The following RAB40B variants were observed in gnomAD, a reference collection of about 807,000 sequenced individuals.
RAB40B encodes ras-related protein Rab-40B.
RAB40B carries 21 observed loss-of-function variants against 24.0 expected under a neutral mutation model. That is an observed-to-expected ratio of 0.88 (90% CI 0.62 to 1.26). The LOEUF is 1.26. Among genes scored for constraint, RAB40B ranks in the 50% most tolerant of loss-of-function variants. RAB40B has a pLI of 0.00. For missense variants in RAB40B, 348 were observed against 390.5 expected (o/e 0.89, Z 0.92); for synonymous variants, 167 against 169.8 (o/e 0.98, Z 0.13).
chr17:82,664,636 G>A, intron 1 of RAB40B, 80 bp from the exon 2 acceptor site: 1 of 1,393,744 alleles, frequency 7.2e-7, no homozygotes, highest in East Asian at 2.3e-5. Flanking sequence ...GGGAAGAAAA[G>A]GGTTTCTCAT....
At position 82,656,235 on chromosome 17, in the gene RAB40B, C is replaced by G. The variant is rs111276855; in HGVS notation, c.*1628G>C. 6.6e-6 allele frequency: 1 copy of G among 152,044 alleles called. No homozygotes were observed. The highest frequency in any genetic ancestry group is 1.9e-4 in the East Asian group (1 of 5,186). 9.4% of individuals were successfully genotyped at this position (152,044 alleles called of 1,614,324 possible). ...TGCTGGGATTACAGGTGTGAGCCATCACACCCAGCTGGGTCCCTTAAGTTT... is the reference window on the plus strand; with the variant it reads ...TGCTGGGATTACAGGTGTGAGCCATGACACCCAGCTGGGTCCCTTAAGTTT... On this transcript the variant is annotated 3_prime_UTR_variant, in exon 6 of 6. Coordinates refer to ENST00000571995, the MANE Select transcript of RAB40B (RefSeq NM_006822.3).
chr17:82,666,607 T>C (rs1420265434), intron 1 of RAB40B, among the ~76,000 whole-genome samples: 1 of 148,746 alleles, frequency 6.7e-6, no homozygotes, highest in East Asian at 2.1e-4. Flanking sequence ...GACACCAGTG[T>C]TCTGCTTCTT....
At chr17:82,684,750 G>A (rs369729721) in intron 1 of RAB40B, among the ~76,000 whole-genome samples, 3 of 152,246 alleles carry the variant, frequency 2.0e-5, no homozygotes, top group Middle Eastern at 3.4e-3. Context: ...AAGAGGCTGC[G>A]GAAACTTCTG....
In RAB40B at chr17:82,697,719, C is replaced by T. The variant is rs1021595146; in HGVS notation, c.142+736G>A. Among the ~76,000 whole-genome samples, 1 of 152,240 alleles carries T rather than the reference C, an allele frequency of 6.6e-6. No homozygotes were observed. Among genetic ancestry groups the T allele is most frequent in the Non-Finnish European group, 1.5e-5 (1 of 68,032 alleles). On this transcript the variant is annotated intron_variant, in intron 1 of 5. Coordinates refer to ENST00000571995, the MANE Select transcript of RAB40B (RefSeq NM_006822.3). This position sits in a 1 kb window ranked among gnomAD's most constrained non-coding sequence, Gnocchi z 4.9. ...GCCTTTCTTTCCCCGGAGCCGTCCA[C>T]CCCCTCGCCGGGCGCCGGCTTTCAA...
At chr17:82,695,195 T>C (rs1253840004) in intron 1 of RAB40B, among the ~76,000 whole-genome samples, 1 of 148,560 alleles carries the variant, frequency 6.7e-6, no homozygotes, top group African/African-American at 2.6e-5. Context: ...CTTTCTTTCT[T>C]TCTTTTTTTT....
Position 82,657,689 on chromosome 17 carries a change from T to G in RAB40B, c.*174A>C. On this transcript the variant is annotated 3_prime_UTR_variant, in exon 6 of 6. Transcript: ENST00000571995. The stretch of plus-strand genomic sequence containing the variant: ...AACAAGAGCTTCATGCACATCCACG[T>G]AGAAATTCGAAGTCCGACGGGGTAG... 3.7e-6 allele frequency: 3 copies of G among 801,412 alleles called. No individual in the cohort carries two copies. The highest frequency in any genetic ancestry group is 4.4e-6 in the Non-Finnish European group (2 of 458,664). The allele number at this position is 801,412 out of a possible 1,614,324, so 49.6% of individuals were successfully genotyped here. A position where few individuals can be genotyped will look rare whatever the true frequency, so the allele number is the denominator to read the frequency against.
intron 1 of RAB40B, among the ~76,000 whole-genome samples, chr17:82,674,354 A>G (rs9900923): frequency 0.78 from 117,026 of 149,116 alleles, 46,118 homozygotes; most frequent in East Asian, 0.87. Context: ...AGAAAAGACC[A>G]GGCGTGGTGG....
At chr17:82,668,836 G>C (rs923908096) in intron 1 of RAB40B, among the ~76,000 whole-genome samples, 2 of 152,224 alleles carry the variant, frequency 1.3e-5, no homozygotes, top group African/African-American at 2.4e-5. Context: ...TCCGTGGATC[G>C]AGAGGCCCAG....
chr17:82,680,849 G>A (rs778630457), intron 1 of RAB40B, among the ~76,000 whole-genome samples: 4 of 151,922 alleles, frequency 2.6e-5, no homozygotes, highest in Non-Finnish European at 5.9e-5. Flanking sequence ...GGATAACATG[G>A]TGAAACCCCG....
intron 4 of RAB40B, chr17:82,659,079 A>G (rs2046127210): frequency 7.4e-6 from 2 of 270,364 alleles, no homozygotes; most frequent in African/African-American, 4.4e-5. Context: ...CCCTGCCGAC[A>G]CCTTGGTTTT....
At position 82,660,841 on chromosome 17, in the gene RAB40B, C is replaced by T; in HGVS notation, c.264+146G>A. ...TTTCAAACAACCAACCACTCTACAG[C>T]ACGTTTTTAGACTCTCAGCACCAAT... On this transcript the variant is annotated intron_variant, in intron 3 of 5. Transcript: ENST00000571995. 3 of 992,030 alleles carry T rather than the reference C, an allele frequency of 3.0e-6. No individual in the cohort carries two copies. In the South Asian group the frequency reaches 5.0e-5, roughly 17 times the overall value. 61.5% of individuals were successfully genotyped at this position (992,030 alleles called of 1,614,324 possible).
intron 4 of RAB40B, 36 bp downstream of exon 4, chr17:82,659,544 A>C: frequency 6.3e-7 from 1 of 1,597,816 alleles, no homozygotes. Context: ...TCCCAAGCCT[A>C]CAGGGATCTT....
At chr17:82,658,844 C>A (rs542355148) in intron 4 of RAB40B, 131 bp from the exon 5 acceptor site, 13 of 787,294 alleles carry the variant, frequency 1.7e-5, no homozygotes, top group Non-Finnish European at 2.4e-5. Flanking sequence ...CATGGGACCT[C>A]GTTTGGAAAG....
Position 82,698,581 on chromosome 17 carries a change from T to C in RAB40B, c.16A>G (p.Ser6Gly). The C allele has an allele frequency of 6.8e-7, 1 of 1,478,346 alleles. No individual in the cohort carries two copies. The highest frequency in any genetic ancestry group is 1.3e-5 in the South Asian group (1 of 79,500). The allele number at this position is 1,478,346 out of a possible 1,614,324, so 91.6% of individuals were successfully genotyped here. A position where few individuals can be genotyped will look rare whatever the true frequency, so the allele number is the denominator to read the frequency against. Residue 6 changes from serine (S) to glycine (G), a missense_variant, in exon 1 of 6, where the codon AGC (serine) becomes GGC (glycine). Ser to Gly is a moderately conservative substitution (Grantham distance 56, BLOSUM62 0). Coordinates refer to ENST00000571995, the MANE Select transcript of RAB40B (RefSeq NM_006822.3). MSALG[S>G]PVRAYDFLLK... ...AGAAAGTCGTAGGCCCGGACCGGGC[T>C]GCCCAGGGCGCTCATCGTGACGGCC...
chr17:82,677,341 A>G (rs1327990644), intron 1 of RAB40B, among the ~76,000 whole-genome samples: 2 of 152,206 alleles, frequency 1.3e-5, no homozygotes, highest in South Asian at 2.1e-4. Flanking sequence ...TTCTCAGCCC[A>G]TCGTAAAAGC....
intron 4 of RAB40B, chr17:82,658,929 T>C: frequency 1.8e-6 from 1 of 545,442 alleles, no homozygotes; most frequent in Non-Finnish European, 3.3e-6. Context: ...CTGGTGTCCT[T>C]GGGAGAAGAG....
At chr17:82,669,273 C>T (rs1325544188) in intron 1 of RAB40B, among the ~76,000 whole-genome samples, 8 of 152,044 alleles carry the variant, frequency 5.3e-5, no homozygotes, top group Admixed American at 5.2e-4. Flanking sequence ...GTCAGGAGTT[C>T]GAGAGCAGCC....
intron 2 of RAB40B, chr17:82,662,781 C>T (rs1380010135): frequency 9.1e-6 from 9 of 985,218 alleles, no homozygotes; most frequent in African/African-American, 5.2e-5. Context: ...GGTGACTGTT[C>T]GGCCCACTGG....
rs2046626470 is a variant in RAB40B, at chr17:82,697,812, CT to C, written c.142+642del. Reference sequence around the variant, plus strand: ...CTGGGCGCTCCGGCCTCCCCTCGCCCTGGAACCCGCTCTCCGGCCGCTGTCG... The same window carrying C: ...CTGGGCGCTCCGGCCTCCCCTCGCCCGGAACCCGCTCTCCGGCCGCTGTCG... On this transcript the variant is annotated intron_variant, in intron 1 of 5. Coordinates refer to ENST00000571995, the MANE Select transcript of RAB40B (RefSeq NM_006822.3). This position sits in a 1 kb window ranked among gnomAD's most constrained non-coding sequence, Gnocchi z 4.9. Among the ~76,000 whole-genome samples the C allele has an allele frequency of 6.6e-6, 1 of 152,232 alleles. No homozygotes were observed. Among genetic ancestry groups the C allele is most frequent in the Admixed American group, 6.5e-5 (1 of 15,294 alleles).
Sources: allele counts gnomAD v4.1 joint callset (sites outside exome capture counted in the v4.1 genomes callset), GRCh38; gene constraint gnomAD v4.1.1; non-coding constraint Gnocchi (gnomAD v3.1); transcripts MANE v1.5; gene names NCBI Gene and HGNC (gene_info 2026-07-23, HGNC 2026-07-21).